Variants in GRK4 observed in about 807,000 individuals in gnomAD.
The protein encoded by GRK4 is G protein-coupled receptor kinase 4, also known as G protein-coupled receptor kinase 2-like.
Under a neutral mutation model 77.9 loss-of-function variants are expected in GRK4, and 73 were observed. That is an observed-to-expected ratio of 0.94 (90% confidence interval 0.78 to 1.14). GRK4 has a LOEUF of 1.14. Ranked by LOEUF, GRK4 falls within the 50% of genes most tolerant of loss-of-function variation. GRK4 has a pLI of 0.00. For synonymous variants in GRK4, 257 were observed against 254.4 expected, an observed-to-expected ratio of 1.01 and a Z score of -0.10; for missense variants, 729 against 700.2, an observed-to-expected ratio of 1.04 and a Z score of -0.46.
intron 1 of GRK4, among the ~76,000 whole-genome samples, chr4:2,980,348 C>A (rs2109515544): frequency 6.6e-6 from 1 of 152,246 alleles, no homozygotes; most frequent in Non-Finnish European, 1.5e-5. Context: ...TTTCCCTCAT[C>A]ATCCAAGATG....
At chr4:2,964,153 C>CT (rs762300034) in intron 1 of GRK4, 31 bp downstream of exon 1, 40 of 1,559,066 alleles carry the variant, frequency 2.6e-5, no homozygotes, top group Non-Finnish European at 3.2e-5. Context: ...CCCGACCCCC[C>CT]CCCCAGAGAA....
Position 2,963,847 on chromosome 4 carries a change from C to G in GRK4, c.-224C>G. 1.7e-6 allele frequency: 1 copy of G among 578,556 alleles called. No individual in the cohort carries two copies. Among genetic ancestry groups the G allele is most frequent in the South Asian group, 2.1e-5 (1 of 48,214 alleles). 35.8% of individuals were successfully genotyped at this position (578,556 alleles called of 1,614,324 possible). The stretch of plus-strand genomic sequence containing the variant: ...CGCCGCGGTCGGGCTGCCCCCTCCC[C>G]TCGCCCCGACCGCTCCCCTGCTGGT... On this transcript the variant is annotated 5_prime_UTR_variant, in exon 1 of 16. Transcript: ENST00000398052.
chr4:3,003,932 T>C (rs1312470527), intron 4 of GRK4, among the ~76,000 whole-genome samples: 1 of 152,166 alleles, frequency 6.6e-6, no homozygotes, highest in Non-Finnish European at 1.5e-5. Context: ...CCATGTTGGC[T>C]GGTCTCAAAC....
intron 5 of GRK4, among the ~76,000 whole-genome samples, chr4:3,004,593 A>T (rs1228593236): frequency 6.6e-6 from 1 of 152,224 alleles, no homozygotes; most frequent in Non-Finnish European, 1.5e-5. Flanking sequence ...ACAGCAGATG[A>T]ACACATATTT....
At chr4:2,964,221 C>G (rs1413163075) in intron 1 of GRK4, 99 bp downstream of exon 1, 1 of 1,050,952 alleles carries the variant, frequency 9.5e-7, no homozygotes, top group Non-Finnish European at 1.4e-6. Flanking sequence ...CCGGAGAACC[C>G]CGATTTCCCT....
At chr4:3,003,758 C>T (rs777130241) in intron 4 of GRK4, among the ~76,000 whole-genome samples, 3 of 151,758 alleles carry the variant, frequency 2.0e-5, no homozygotes, top group Admixed American at 1.3e-4. Context: ...GGTTTGGAGA[C>T]GGAGTTTCAC....
intron 3 of GRK4, among the ~76,000 whole-genome samples, chr4:2,990,335 C>T (rs1028353608): frequency 2.8e-5 from 4 of 145,248 alleles, no homozygotes; most frequent in Non-Finnish European, 4.5e-5. Context: ...CAGCTCACTG[C>T]AACCTCCGCC....
chr4:3,010,108 C>G (rs190376771), intron 7 of GRK4, among the ~76,000 whole-genome samples: 1 of 152,136 alleles, frequency 6.6e-6, no homozygotes, highest in Non-Finnish European at 1.5e-5. Flanking sequence ...TAACCCTACT[C>G]TGTTTGGACA....
At chr4:3,032,574 G>T (rs1364309610) in intron 12 of GRK4, among the ~76,000 whole-genome samples, 1 of 152,170 alleles carries the variant, frequency 6.6e-6, no homozygotes, top group Non-Finnish European at 1.5e-5. Flanking sequence ...GGTGTTGGAG[G>T]TGCTGGGAAA....
rs573349578 is a variant in GRK4, at chr4:3,010,924, G to C, written c.600+1213G>C. 8.9e-4 allele frequency among the ~76,000 whole-genome samples: 136 copies of C among 152,256 alleles called. 2 individuals are homozygous for C. The highest frequency in any genetic ancestry group is 2.7e-3 in the Admixed American group (41 of 15,286). ...TTGGCCAACGTAGTTGTTACTTCAG[G>C]AGAAGTAACAGTACTGTCCCTCTGG... On this transcript the variant is annotated intron_variant, in intron 7 of 15. Transcript: ENST00000398052.
At chr4:2,993,929 T>C (rs752823439) in intron 4 of GRK4, among the ~76,000 whole-genome samples, 11 of 152,190 alleles carry the variant, frequency 7.2e-5, no homozygotes, top group African/African-American at 1.2e-4. Flanking sequence ...ATTTGAAACA[T>C]AGCCAACTGG....
At chr4:2,984,749 GA>G (rs1012893864) in intron 2 of GRK4, 141 bp downstream of exon 2, 23 of 412,568 alleles carry the variant, frequency 5.6e-5, no homozygotes, top group Non-Finnish European at 8.3e-5. Context: ...TTCCTCTCAG[GA>G]AAAAAAATCC....
intron 10 of GRK4, among the ~76,000 whole-genome samples, chr4:3,026,496 A>G (rs1737609216): frequency 6.6e-6 from 1 of 152,208 alleles, no homozygotes; most frequent in Non-Finnish European, 1.5e-5. Flanking sequence ...TTGGGAGGCC[A>G]GGGTGGGAGG....
intron 1 of GRK4, among the ~76,000 whole-genome samples, chr4:2,983,625 C>T (rs1294918510): frequency 2.0e-5 from 3 of 152,136 alleles, no homozygotes; most frequent in East Asian, 3.9e-4. Flanking sequence ...AAAACAGCAC[C>T]TTCCACCTTT....
Position 2,982,569 on chromosome 4 carries a change from G to A in GRK4, c.53-1944G>A, listed in dbSNP as rs558183279. Among the ~76,000 whole-genome samples, 8 of 152,350 alleles carry A rather than the reference G, an allele frequency of 5.3e-5. No individual in the cohort carries two copies. The East Asian group carries it at 1.2e-3, about 22-fold the overall frequency. On this transcript the variant is annotated intron_variant, in intron 1 of 15. Transcript: ENST00000398052. ...CTCAGGGCACTTGTAGATCATGCTTGTTTTCCACTTGTGGAATCTAGAGGG... is the reference window on the plus strand; with the variant it reads ...CTCAGGGCACTTGTAGATCATGCTTATTTTCCACTTGTGGAATCTAGAGGG...
intron 4 of GRK4, among the ~76,000 whole-genome samples, chr4:3,001,153 GTA>G (rs1439068350): frequency 7.3e-6 from 1 of 137,062 alleles, no homozygotes; most frequent in Admixed American, 7.4e-5. Flanking sequence ...GTATATATGT[GTA>G]TGTGTATATA....
At chr4:2,974,567 T>G (rs777638663) in intron 1 of GRK4, among the ~76,000 whole-genome samples, 6 of 152,234 alleles carry the variant, frequency 3.9e-5, no homozygotes, top group Non-Finnish European at 7.3e-5. Flanking sequence ...GAATATCTCC[T>G]TCTGAGAAGC....
chr4:2,993,629 G>A (rs114313252), intron 4 of GRK4, among the ~76,000 whole-genome samples: 1,875 of 152,318 alleles, frequency 0.012, 36 homozygotes, highest in African/African-American at 0.043. Flanking sequence ...AGCTGAGATC[G>A]TGCCACAGCA....
At chr4:3,006,216 C>G (rs1051071887) in intron 5 of GRK4, among the ~76,000 whole-genome samples, 4 of 150,980 alleles carry the variant, frequency 2.6e-5, no homozygotes, top group African/African-American at 9.8e-5. Context: ...CCTGTCTCTA[C>G]TAAACATACA....
Sources: gnomAD v4.1 joint callset for allele counts (sites outside exome capture counted in the v4.1 genomes callset) on GRCh38, gnomAD v4.1.1 for gene constraint, MANE v1.5 for transcripts, NCBI Gene and HGNC (gene_info 2026-07-23, HGNC 2026-07-21) for gene names.